PCDHA9: variants seen among roughly 807,000 people sequenced by gnomAD.
PCDHA9 encodes protocadherin alpha 9.
Under a neutral mutation model 62.0 loss-of-function variants are expected in PCDHA9, and 62 were observed. That is an observed-to-expected ratio of 1.00 (90% CI 0.81 to 1.23). The LOEUF (loss-of-function observed/expected upper bound fraction) is 1.23. PCDHA9 is among the 50% of genes most tolerant of loss of function. The pLI is 0.00. For missense variants in PCDHA9, 1,205 were observed against 1,249.8 expected, an observed-to-expected ratio of 0.96 and a Z score of 0.54; for synonymous variants, 557 against 567.6, an observed-to-expected ratio of 0.98 and a Z score of 0.27.
chr5:140,888,755 T>C (rs1290458155), intron 1 of PCDHA9, among the ~76,000 whole-genome samples: 1 of 146,364 alleles, frequency 6.8e-6, no homozygotes, highest in African/African-American at 2.5e-5. Flanking sequence ...TTCTACCCAC[T>C]TTTTTTTTTA....
chr5:140,985,739 CTTTTT>C (rs11372071), intron 3 of PCDHA9, among the ~76,000 whole-genome samples: 1 of 117,916 alleles, frequency 8.5e-6, no homozygotes, highest in Non-Finnish European at 1.7e-5. Context: ...TGATGAATTC[CTTTTT>C]TTTTTTTTTT....
At chr5:140,876,923 C>T in intron 1 of PCDHA9, 1 of 1,613,834 alleles carries the variant, frequency 6.2e-7, no homozygotes. Flanking sequence ...GACGCGGACG[C>T]GCAGAAGAAC....
At chr5:140,877,109 G>T (rs370191624) in intron 1 of PCDHA9, 1 of 1,613,590 alleles carries the variant, frequency 6.2e-7, no homozygotes, top group South Asian at 1.1e-5. Flanking sequence ...CCGCCTCTGG[G>T]CAGCAACGTG....
intron 1 of PCDHA9, among the ~76,000 whole-genome samples, chr5:140,885,388 A>G (rs1187514037): frequency 2.0e-5 from 3 of 152,166 alleles, no homozygotes; most frequent in Admixed American, 2.0e-4. Context: ...CAGTCCCTGC[A>G]AATCTAATGG....
intron 1 of PCDHA9, chr5:140,928,545 T>C: frequency 6.2e-7 from 1 of 1,614,220 alleles, no homozygotes; most frequent in Non-Finnish European, 8.5e-7. Flanking sequence ...GGAATGACAA[T>C]TATCCGGTTA....
intron 1 of PCDHA9, among the ~76,000 whole-genome samples, chr5:140,906,526 CAATT>C (rs1554192570): frequency 6.6e-6 from 1 of 152,190 alleles, no homozygotes; most frequent in Non-Finnish European, 1.5e-5. Context: ...ATACTCACGA[CAATT>C]AAAATCCTCA....
intron 1 of PCDHA9, among the ~76,000 whole-genome samples, chr5:140,911,222 T>G (rs2075377398): frequency 6.6e-6 from 1 of 152,204 alleles, no homozygotes; most frequent in African/African-American, 2.4e-5. Flanking sequence ...ATGAGAAAGC[T>G]GTTTCTTCTG....
At chr5:140,977,097 G>T (rs988046010) in intron 1 of PCDHA9, among the ~76,000 whole-genome samples, 2 of 152,222 alleles carry the variant, frequency 1.3e-5, no homozygotes, top group African/African-American at 4.8e-5. Flanking sequence ...GTGTCATTGG[G>T]GAAGTGAGAT....
At chr5:140,966,831 G>A in intron 1 of PCDHA9, 1 of 1,563,110 alleles carries the variant, frequency 6.4e-7, no homozygotes, top group Non-Finnish European at 8.6e-7. Flanking sequence ...CCCATGCCCT[G>A]GCTGCTGCTA....
At chr5:140,921,198 A>T (rs1298623554) in intron 1 of PCDHA9, among the ~76,000 whole-genome samples, 2 of 152,076 alleles carry the variant, frequency 1.3e-5, no homozygotes, top group African/African-American at 4.8e-5. Flanking sequence ...CAATAGATTG[A>T]CAACGATAAT....
At chr5:140,970,146 C>A (rs1408492600) in intron 1 of PCDHA9, among the ~76,000 whole-genome samples, 3 of 152,156 alleles carry the variant, frequency 2.0e-5, no homozygotes, top group Admixed American at 6.5e-5. Context: ...AAAAAGAATT[C>A]TCCCAATAGT....
At chr5:140,964,367 T>C (rs1269937571) in intron 1 of PCDHA9, among the ~76,000 whole-genome samples, 1 of 152,178 alleles carries the variant, frequency 6.6e-6, no homozygotes, top group Non-Finnish European at 1.5e-5. Context: ...ACAAGAGTGC[T>C]GAAAGGAGAG....
At chr5:140,882,024 G>C in intron 1 of PCDHA9, 1 of 580,388 alleles carries the variant, frequency 1.7e-6, no homozygotes, top group East Asian at 3.1e-5. Flanking sequence ...CTACATCAAT[G>C]GAAAATATGA....
At chr5:140,983,617 G>C (rs868994554) in intron 3 of PCDHA9, among the ~76,000 whole-genome samples, 1 of 152,228 alleles carries the variant, frequency 6.6e-6, no homozygotes, top group Admixed American at 6.5e-5. Context: ...GAGGCAGAGA[G>C]ATTAAGAAAT....
chr5:140,915,306 A>G (rs999638953), intron 1 of PCDHA9, among the ~76,000 whole-genome samples: 1 of 152,136 alleles, frequency 6.6e-6, no homozygotes, highest in Non-Finnish European at 1.5e-5. Context: ...ATAAGTTTAC[A>G]TACCACAATT....
chr5:140,882,059 A>C, intron 1 of PCDHA9: 1 of 799,024 alleles, frequency 1.3e-6, no homozygotes, highest in Non-Finnish European at 1.9e-6. Flanking sequence ...TTACACTTAC[A>C]CGTTCATGCG....
At chr5:140,927,301 C>A in intron 1 of PCDHA9, 3 of 1,614,204 alleles carry the variant, frequency 1.9e-6, no homozygotes, top group Non-Finnish European at 2.5e-6. Context: ...CCCCGAGTTC[C>A]TGACGCCCGG....
At chr5:140,968,810 G>C in intron 1 of PCDHA9, 1 of 1,614,186 alleles carries the variant, frequency 6.2e-7, no homozygotes, top group Non-Finnish European at 8.5e-7. Flanking sequence ...AGCTGTGGTG[G>C]ATAGGGTTTC....
intron 1 of PCDHA9, among the ~76,000 whole-genome samples, chr5:140,977,549 A>G (rs2096765562): frequency 6.6e-6 from 1 of 152,210 alleles, no homozygotes; most frequent in African/African-American, 2.4e-5. Flanking sequence ...TTGCATATGC[A>G]TATCTTGCTA....
Sources: allele counts gnomAD v4.1 joint callset (sites outside exome capture counted in the v4.1 genomes callset), GRCh38; gene constraint gnomAD v4.1.1; transcripts MANE v1.5; gene names NCBI Gene and HGNC (gene_info 2026-07-23, HGNC 2026-07-21).